Variants in RNF125 observed in about 807,000 individuals in gnomAD.
RNF125 encodes the protein ring finger protein 125.
Under a neutral mutation model 26.0 loss-of-function variants are expected in RNF125, and 21 were observed. The ratio of observed to expected loss-of-function variants is 0.81; its 90% CI spans 0.57 to 1.16. RNF125 has a LOEUF of 1.16. Ranked by LOEUF, RNF125 falls within the 50% of genes most tolerant of loss-of-function variation. The probability of loss-of-function intolerance (pLI) is 0.00; values close to 1 mark genes in which losing one functional copy is unlikely to be tolerated. For missense variants in RNF125, 270 were observed against 299.4 expected (o/e 0.90, Z 0.72); for synonymous variants, 95 against 109.2 (o/e 0.87, Z 0.81).
At chr18:32,090,359 C>T in the RNF125 span, among the ~76,000 whole-genome samples, 511 of 152,262 alleles carry the variant, frequency 3.4e-3, 6 homozygotes, top group Non-Finnish European at 4.8e-3. Context: ...TATTAGCTGC[C>T]CCTCTCGTCA....
Position 32,069,468 on chromosome 18 carries a change from T to A in RNF125, c.*1084T>A, listed in dbSNP as rs1185503267. On this transcript the variant is annotated 3_prime_UTR_variant, in exon 6 of 6. Coordinates refer to ENST00000217740, the MANE Select transcript of RNF125 (RefSeq NM_017831.4). Reference sequence around the variant, plus strand: ...AAACCCTAAGGGCTTTGATATCTTTTTTGATTGTAACATTTTAAAAATTAT... The same window carrying A: ...AAACCCTAAGGGCTTTGATATCTTTATTGATTGTAACATTTTAAAAATTAT... 6.6e-6 allele frequency: 1 copy of A among 152,152 alleles called. No individual in the cohort carries two copies. The highest frequency in any genetic ancestry group is 1.5e-5 in the Non-Finnish European group (1 of 68,032). 9.4% of individuals were successfully genotyped at this position (152,152 alleles called of 1,614,324 possible).
At chr18:32,019,132 G>A in intron 1 of RNF125, 105 bp downstream of exon 1, 6 of 1,382,972 alleles carry the variant, frequency 4.3e-6, no homozygotes, top group Non-Finnish European at 4.9e-6. Context: ...CAGCCTCTTA[G>A]GAAATTGCTG....
rs551428253 is a variant in RNF125, at chr18:32,046,552, G to T, written c.504+820G>T. On this transcript the variant is annotated intron_variant, in intron 4 of 5. Transcript: ENST00000217740. ...GCGGAGCTTGCAGTGAGCTGAGATC[G>T]TGCCACTGCACTCCAGCCTGAGCGA... is the stretch of plus-strand genomic sequence containing the variant. Among the ~76,000 whole-genome samples the T allele has an allele frequency of 2.1e-5, 3 of 146,178 alleles. No individual in the cohort carries two copies. In the East Asian group the frequency reaches 6.0e-4, roughly 29 times the overall value.
At chr18:32,027,105 T>C (rs1460399668) in intron 1 of RNF125, among the ~76,000 whole-genome samples, 1 of 152,250 alleles carries the variant, frequency 6.6e-6, no homozygotes, top group Non-Finnish European at 1.5e-5. Flanking sequence ...GTATTTCTTT[T>C]ATTTTTCCTT....
chr18:32,037,787 G>A (rs1434840997), intron 2 of RNF125, among the ~76,000 whole-genome samples: 1 of 152,106 alleles, frequency 6.6e-6, no homozygotes, highest in Non-Finnish European at 1.5e-5. Context: ...TCAGTGCTCT[G>A]TAAAGTGCAC....
intron 3 of RNF125, 41 bp from the exon 4 acceptor site, chr18:32,045,601 C>T: frequency 1.5e-6 from 2 of 1,375,238 alleles, no homozygotes; most frequent in Non-Finnish European, 2.0e-6. Flanking sequence ...TATCTAGTTG[C>T]CAACCATTTT....
At chr18:32,049,853 T>C (rs114294250) in intron 4 of RNF125, among the ~76,000 whole-genome samples, 2,258 of 152,122 alleles carry the variant, frequency 0.015, 56 homozygotes, top group African/African-American at 0.051. Flanking sequence ...ATTTACCCCA[T>C]GGTTAGGAAA....
At chr18:32,055,656 C>G (rs569152246) in intron 4 of RNF125, among the ~76,000 whole-genome samples, 1 of 152,048 alleles carries the variant, frequency 6.6e-6, no homozygotes, top group African/African-American at 2.4e-5. Context: ...CTGGTCTCTC[C>G]CTTGACACTT....
chr18:32,053,906 G>T (rs190625317), intron 4 of RNF125, among the ~76,000 whole-genome samples: 18 of 152,052 alleles, frequency 1.2e-4, no homozygotes, highest in Non-Finnish European at 2.2e-4. Context: ...AAAGACTAGG[G>T]GGGGAGACAG....
intron 1 of RNF125, among the ~76,000 whole-genome samples, chr18:32,035,787 T>C (rs950049588): frequency 6.6e-6 from 1 of 152,172 alleles, no homozygotes; most frequent in African/African-American, 2.4e-5. Flanking sequence ...GCTGGTACAA[T>C]GTTTGAAAAG....
At chr18:32,036,706 G>A (rs1304967295) in intron 1 of RNF125, among the ~76,000 whole-genome samples, 1 of 151,918 alleles carries the variant, frequency 6.6e-6, no homozygotes, top group East Asian at 1.9e-4. Flanking sequence ...ATTATAATGT[G>A]TCTGGTATTT....
chr18:32,051,223 T>C (rs1189433813), intron 4 of RNF125, among the ~76,000 whole-genome samples: 1 of 152,160 alleles, frequency 6.6e-6, no homozygotes, highest in Non-Finnish European at 1.5e-5. Flanking sequence ...ATTAGGCTTA[T>C]GGAGTCATGG....
intron 1 of RNF125, among the ~76,000 whole-genome samples, chr18:32,026,732 T>G (rs975907811): frequency 6.6e-6 from 1 of 152,226 alleles, no homozygotes; most frequent in African/African-American, 2.4e-5. Context: ...AAAAAGTTAC[T>G]ATCACACTCT....
chr18:32,024,827 T>G (rs1435045066), intron 1 of RNF125, among the ~76,000 whole-genome samples: 1 of 152,120 alleles, frequency 6.6e-6, no homozygotes, highest in African/African-American at 2.4e-5. Flanking sequence ...ACACCTATAA[T>G]CCCAGCACTT....
the RNF125 span, among the ~76,000 whole-genome samples, chr18:32,078,718 A>T: frequency 6.6e-6 from 1 of 152,280 alleles, no homozygotes; most frequent in Non-Finnish European, 1.5e-5. Flanking sequence ...GTATCTTTAA[A>T]TTACTATATT....
At chr18:32,065,824 C>A in intron 4 of RNF125, 78 bp from the exon 5 acceptor site, 1 of 1,047,452 alleles carries the variant, frequency 9.5e-7, no homozygotes. Context: ...AGCCACCGCG[C>A]CCAGCCGTTG....
chr18:32,036,024 G>T (rs1281155516), intron 1 of RNF125, among the ~76,000 whole-genome samples: 3 of 151,848 alleles, frequency 2.0e-5, no homozygotes, highest in African/African-American at 7.3e-5. Flanking sequence ...CGTGGTGGTG[G>T]GTGCCAGTAA....
intron 3 of RNF125, among the ~76,000 whole-genome samples, chr18:32,044,150 G>A (rs948563632): frequency 6.6e-6 from 1 of 152,046 alleles, no homozygotes; most frequent in African/African-American, 2.4e-5. Flanking sequence ...GGGATTACAG[G>A]CGTGTGCCAC....
chr18:32,066,047 G>C (rs1289135735), intron 5 of RNF125, 38 bp downstream of exon 5: 2 of 1,329,102 alleles, frequency 1.5e-6, no homozygotes, highest in Non-Finnish European at 2.2e-6. Flanking sequence ...ATGTTTTCAT[G>C]CTGTCTTGTT....
Sources: gnomAD v4.1 joint callset for allele counts (sites outside exome capture counted in the v4.1 genomes callset) on GRCh38, gnomAD v4.1.1 for gene constraint, MANE v1.5 for transcripts, NCBI Gene and HGNC (gene_info 2026-07-23, HGNC 2026-07-21) for gene names.